The following UBR4 variants were observed in gnomAD, a reference collection of about 807,000 sequenced individuals.
UBR4 encodes E3 ubiquitin-protein ligase UBR4.
Under a neutral mutation model 575.6 loss-of-function variants are expected in UBR4, and 124 were observed. The ratio of observed to expected loss-of-function variants is 0.22; its 90% CI spans 0.19 to 0.25. UBR4 has a LOEUF of 0.25. Among genes scored for constraint, UBR4 ranks in the 10% least tolerant of loss-of-function variants. The pLI is 1.00. For missense variants in UBR4, 4,818 were observed against 6,478.8 expected (o/e 0.74, Z 8.80); for synonymous variants, 2,455 against 2,473.7 (o/e 0.99, Z 0.22).
At position 19,099,634 on chromosome 1, in the gene UBR4, G is replaced by C. The variant is rs2078413667; in HGVS notation, c.13265C>G (p.Ala4422Gly). 2.5e-6 allele frequency: 4 copies of C among 1,613,984 alleles called. No homozygotes were observed. Among genetic ancestry groups the C allele is most frequent in the Non-Finnish European group, 3.4e-6 (4 of 1,179,924 alleles). Residue 4422 changes from alanine (A) to glycine (G), a missense_variant, in exon 90 of 106, where the codon GCT (alanine) becomes GGT (glycine). Ala to Gly is a moderately conservative substitution (Grantham distance 60). Transcript: ENST00000375254. ...NKIISLDLPVAEVYKKVWCTT... is the reference protein window; with the variant it reads ...NKIISLDLPVGEVYKKVWCTT... ...ACACCAGACTTTCTTGTAAACTTCA[G>C]CCACAGGAAGGTCCAAACTAATGAT...
intron 27 of UBR4, 146 bp downstream of exon 27, chr1:19,169,285 CATTG>C: frequency 1.8e-6 from 1 of 560,206 alleles, no homozygotes; most frequent in Non-Finnish European, 2.9e-6. Flanking sequence ...TGATTAAATG[CATTG>C]ATTAATGATT....
chr1:19,169,927 G>A (rs184024436), intron 26 of UBR4, among the ~76,000 whole-genome samples: 2 of 152,248 alleles, frequency 1.3e-5, no homozygotes, highest in East Asian at 3.9e-4. Context: ...CTTAAGGGCA[G>A]GGATCATAAC....
chr1:19,135,325 A>G (rs1400558762), intron 60 of UBR4, among the ~76,000 whole-genome samples: 1 of 152,236 alleles, frequency 6.6e-6, no homozygotes, highest in East Asian at 1.9e-4. Context: ...GCTTTATAAT[A>G]AGCTATAATT....
chr1:19,197,445 A>G (rs2092526720), intron 7 of UBR4, among the ~76,000 whole-genome samples, 180 bp from the exon 8 acceptor site: 1 of 152,204 alleles, frequency 6.6e-6, no homozygotes, highest in Non-Finnish European at 1.5e-5. Context: ...CCTGGGCAAC[A>G]AGGCAAAACC....
At chr1:19,154,826 C>T in intron 44 of UBR4, 92 bp downstream of exon 44, 1 of 1,544,806 alleles carries the variant, frequency 6.5e-7, no homozygotes, top group Non-Finnish European at 8.8e-7. Context: ...TTAAGTTTCA[C>T]AAAACTCAGA....
Position 19,173,059 on chromosome 1 carries a change from A to G in UBR4, c.3326T>C (p.Ile1109Thr), listed in dbSNP as rs2089798829. ...SSFCSIDCTT[I>T]LQLHEIPSLQ... is the part of the protein sequence containing the mutation. Reference sequence around the variant, plus strand: ...ACTGGGAATTTCATGCAGCTGCAAGATGGTGGTACAGTCGATACTACAGAA... The same window carrying G: ...ACTGGGAATTTCATGCAGCTGCAAGGTGGTGGTACAGTCGATACTACAGAA... Residue 1109 changes from isoleucine (I) to threonine (T), a missense_variant, in exon 25 of 106, where the codon ATC becomes ACC. Transcript: ENST00000375254. 1 of 1,614,206 alleles carries G rather than the reference A, an allele frequency of 6.2e-7. No homozygotes were observed. The highest frequency in any genetic ancestry group is 1.1e-5 in the South Asian group (1 of 91,082).
At chr1:19,126,098 G>A (rs1052313240) in intron 64 of UBR4, among the ~76,000 whole-genome samples, 2 of 152,106 alleles carry the variant, frequency 1.3e-5, no homozygotes, top group Non-Finnish European at 2.9e-5. Flanking sequence ...TACGTTAAAG[G>A]GCCTCTCAGT....
chr1:19,098,124 G>A (rs1283232640), intron 90 of UBR4, among the ~76,000 whole-genome samples: 1 of 152,232 alleles, frequency 6.6e-6, no homozygotes, highest in Non-Finnish European at 1.5e-5. Context: ...CCAAGTCTAT[G>A]CTGAGCTTCA....
rs1168864380 is a variant in UBR4 at position 19,093,343 on chromosome 1, T to C, written c.14081A>G (p.Tyr4694Cys). ...QKGITQNALD[Y>C]MKKHIPSAKN... ...GGCGCTAGGGATGTGCTTTTTCATGTAGTCAAGTGCATTCTGGGTGATCCC... is the reference window on the plus strand; with the variant it reads ...GGCGCTAGGGATGTGCTTTTTCATGCAGTCAAGTGCATTCTGGGTGATCCC... The change falls in exon 96 of 106, where the codon TAC becomes TGC. Residue 4694 changes from tyrosine to cysteine, a missense_variant. By Grantham distance (194) the Tyr-to-Cys change is radical. Transcript: ENST00000375254. The surrounding 1 kb of genome is among the most constrained non-coding windows in gnomAD (Gnocchi z 4.8). 1.9e-6 allele frequency: 3 copies of C among 1,614,044 alleles called. No individual in the cohort carries two copies. The highest frequency in any genetic ancestry group is 1.1e-5 in the South Asian group (1 of 91,076).
At chr1:19,119,816 G>C (rs779211314) in intron 69 of UBR4, 115 bp from the exon 70 acceptor site, 31 of 1,373,044 alleles carry the variant, frequency 2.3e-5, no homozygotes, top group Non-Finnish European at 2.1e-5. Context: ...AAGTTTGAAC[G>C]GTTTTGTTTC....
intron 29 of UBR4, 122 bp downstream of exon 29, chr1:19,166,900 T>TG: frequency 1.0e-6 from 1 of 993,496 alleles, no homozygotes; most frequent in East Asian, 2.9e-5. Context: ...TGTCTCAGAA[T>TG]AAAAAAAAAA....
At chr1:19,189,558 CTT>C (rs935185080) in intron 11 of UBR4, among the ~76,000 whole-genome samples, 9 of 152,070 alleles carry the variant, frequency 5.9e-5, no homozygotes, top group South Asian at 2.1e-4. Flanking sequence ...TTTTTGTAAA[CTT>C]ATATATATTT....
rs755518879 is a variant in UBR4 at position 19,167,042 on chromosome 1, G to A, written c.4089C>T (p.Ala1363=). ...CTCACCTGTTAGGATCTGCATGATT[G>A]GCCAGAATGTTGTAACAACCAGTGA... The part of the protein sequence containing the change: ...KLITGCYNIL[A]NHADPNSGLD... The change falls in exon 29 of 106, where the codon GCC becomes GCT. Residue 1363 remains alanine, a synonymous_variant. Transcript: ENST00000375254. 5.0e-6 allele frequency: 8 copies of A among 1,614,220 alleles called. No homozygotes were observed. In the South Asian group the frequency reaches 8.8e-5, roughly 18 times the overall value.
intron 102 of UBR4, 58 bp from the exon 103 acceptor site, chr1:19,081,631 A>T (rs749098664): frequency 6.3e-7 from 1 of 1,587,232 alleles, no homozygotes; most frequent in Admixed American, 1.7e-5. Flanking sequence ...CCCGGCAGCA[A>T]GAGCAGGAAG....
chr1:19,160,594 C>T (rs114182512), intron 38 of UBR4, among the ~76,000 whole-genome samples: 1,811 of 152,208 alleles, frequency 0.012, 37 homozygotes, highest in African/African-American at 0.041. Flanking sequence ...GGTTTTGTAC[C>T]ATCCATGGGA....
rs1444549533 is a variant in UBR4 at position 19,162,624 on chromosome 1, C to T, written c.4765-13G>A. On this transcript the variant is annotated splice_polypyrimidine_tract_variant and intron_variant, in intron 34 of 105. Transcript: ENST00000375254. ...AGATCATCACATGCTGTAAGAGAAG[C>T]CCCACAGCAACTTCAGATTCTCCAT... 2 of 1,596,194 alleles carry T rather than the reference C, an allele frequency of 1.3e-6. No homozygotes were observed. Among genetic ancestry groups the T allele is most frequent in the East Asian group, 4.5e-5 (2 of 44,206 alleles).
rs374453643 is a variant in UBR4, at chr1:19,184,002, T to G, written c.2098+14A>C. On this transcript the variant is annotated intron_variant, in intron 16 of 105. Transcript: ENST00000375254. ...AGAAAAAAAATCCATCAGGCACATATCTTGTCTACTGACCCTTGAGTCCAT... is the reference window on the plus strand; with the variant it reads ...AGAAAAAAAATCCATCAGGCACATAGCTTGTCTACTGACCCTTGAGTCCAT... 9 of 1,613,950 alleles carry G rather than the reference T, an allele frequency of 5.6e-6. No individual in the cohort carries two copies. Among genetic ancestry groups the G allele is most frequent in the Non-Finnish European group, 7.6e-6 (9 of 1,179,988 alleles).
At chr1:19,173,355 C>G in intron 23 of UBR4, 49 bp from the exon 24 acceptor site, 1 of 1,611,282 alleles carries the variant, frequency 6.2e-7, no homozygotes, top group Non-Finnish European at 8.5e-7. Context: ...ATAGGCAAAG[C>G]TTTCATTATC....
intron 74 of UBR4, among the ~76,000 whole-genome samples, chr1:19,115,193 GCACA>G (rs1476616314): frequency 1.6e-3 from 115 of 73,704 alleles, no homozygotes; most frequent in African/African-American, 5.5e-3. Flanking sequence ...ACACTCGTGT[GCACA>G]TGCACACACA....
Sources: gnomAD v4.1 joint callset for allele counts (sites outside exome capture counted in the v4.1 genomes callset) on GRCh38, gnomAD v4.1.1 for gene constraint, Gnocchi (gnomAD v3.1) non-coding constraint, MANE v1.5 for transcripts, NCBI Gene and HGNC (gene_info 2026-07-23, HGNC 2026-07-21) for gene names.